The following ARHGAP10 variants were observed in gnomAD, a reference collection of about 807,000 sequenced individuals.
The protein encoded by ARHGAP10 is Rho GTPase activating protein 10.
Under a neutral mutation model 108.6 loss-of-function variants are expected in ARHGAP10, and 87 were observed. That is an observed-to-expected ratio of 0.80 (90% CI 0.67 to 0.96). ARHGAP10 has a LOEUF of 0.96. ARHGAP10 is among the 40% of genes least tolerant of loss of function. The probability of loss-of-function intolerance (pLI) is 0.00; values close to 1 mark genes in which losing one functional copy is unlikely to be tolerated. For synonymous variants in ARHGAP10, 347 were observed against 341.1 expected (o/e 1.02, Z -0.19); for missense variants, 939 against 954.5 (o/e 0.98, Z 0.21).
intron 18 of ARHGAP10, among the ~76,000 whole-genome samples, chr4:147,999,069 A>G (rs1740592334): frequency 6.6e-6 from 1 of 152,234 alleles, no homozygotes; most frequent in African/African-American, 2.4e-5. Flanking sequence ...ACATTGAGAG[A>G]CAGGACTAGC....
chr4:148,025,896 GTTGA>G (rs771183468), intron 19 of ARHGAP10, among the ~76,000 whole-genome samples: 4 of 151,950 alleles, frequency 2.6e-5, no homozygotes, highest in Non-Finnish European at 4.4e-5. Flanking sequence ...GACAACTTTG[GTTGA>G]TTATTTTTCC....
In ARHGAP10 at chr4:148,064,497, T is replaced by C; in HGVS notation, c.2262T>C (p.Ile754=). The C allele has an allele frequency of 1.2e-6, 2 of 1,614,014 alleles. No individual in the cohort carries two copies. Among genetic ancestry groups the C allele is most frequent in the Non-Finnish European group, 1.7e-6 (2 of 1,179,932 alleles). Residue 754 remains isoleucine, a synonymous_variant, in exon 22 of 23, where the codon ATT becomes ATC. Transcript: ENST00000336498. ...AATTATCTTTTGAAATAGGAGCAATTTTTGAGGATGGTAAGTGTTAGTGGG... is the reference window on the plus strand; with the variant it reads ...AATTATCTTTTGAAATAGGAGCAATCTTTGAGGATGGTAAGTGTTAGTGGG... ...SSELSFEIGA[I]FEDVQTSREP...
intron 18 of ARHGAP10, among the ~76,000 whole-genome samples, chr4:147,981,455 T>C (rs1277855371): frequency 2.0e-5 from 3 of 152,208 alleles, no homozygotes; most frequent in Admixed American, 2.0e-4. Flanking sequence ...AAAAAGTATA[T>C]TGAGACTTGC....
At chr4:147,853,000 T>G (rs1253814472) in intron 4 of ARHGAP10, among the ~76,000 whole-genome samples, 2 of 152,196 alleles carry the variant, frequency 1.3e-5, no homozygotes, top group African/African-American at 4.8e-5. Context: ...ATATTAAATA[T>G]TGAAATAAAT....
At chr4:147,887,452 A>G (rs1368086601) in intron 10 of ARHGAP10, among the ~76,000 whole-genome samples, 1 of 152,124 alleles carries the variant, frequency 6.6e-6, no homozygotes, top group Non-Finnish European at 1.5e-5. Flanking sequence ...TAAAAAAACA[A>G]AAGCCACTAC....
At chr4:147,932,247 G>A (rs557549161) in intron 13 of ARHGAP10, among the ~76,000 whole-genome samples, 14 of 152,232 alleles carry the variant, frequency 9.2e-5, no homozygotes, top group African/African-American at 3.4e-4. Flanking sequence ...AGACAGTGGC[G>A]ATTCCTTAAA....
intron 14 of ARHGAP10, 105 bp downstream of exon 14, chr4:147,940,004 C>G: frequency 9.0e-7 from 1 of 1,115,536 alleles, no homozygotes; most frequent in Non-Finnish European, 1.3e-6. Context: ...TCATTCCATT[C>G]CTCTACTTTC....
At chr4:147,836,235 T>A (rs1312346302) in intron 3 of ARHGAP10, among the ~76,000 whole-genome samples, 3 of 152,194 alleles carry the variant, frequency 2.0e-5, no homozygotes, top group East Asian at 1.9e-4. Context: ...ATTGACCTTT[T>A]TTTTTATTTT....
chr4:147,772,569 G>A (rs1480898490), intron 1 of ARHGAP10, among the ~76,000 whole-genome samples: 1 of 152,222 alleles, frequency 6.6e-6, no homozygotes, highest in African/African-American at 2.4e-5. Flanking sequence ...ATTCCTCTGA[G>A]GATGTCTCTC....
At chr4:148,033,313 A>T (rs1487243548) in intron 19 of ARHGAP10, among the ~76,000 whole-genome samples, 1 of 152,220 alleles carries the variant, frequency 6.6e-6, no homozygotes, top group East Asian at 1.9e-4. Context: ...CTTACTCATC[A>T]CACATAGGCT....
chr4:147,969,738 G>C (rs1466728599), intron 18 of ARHGAP10, among the ~76,000 whole-genome samples: 3 of 152,192 alleles, frequency 2.0e-5, no homozygotes, highest in Admixed American at 6.5e-5. Context: ...TTTTCCAGTA[G>C]CGTCGGCAAG....
chr4:147,897,276 A>AT (rs1041240680), intron 10 of ARHGAP10, among the ~76,000 whole-genome samples: 2 of 151,160 alleles, frequency 1.3e-5, no homozygotes, highest in Admixed American at 6.6e-5. Flanking sequence ...TATTATTACT[A>AT]TTTTTTTGTA....
chr4:147,800,078 G>T (rs1001640247), intron 1 of ARHGAP10, among the ~76,000 whole-genome samples: 6 of 152,110 alleles, frequency 3.9e-5, no homozygotes, highest in African/African-American at 1.4e-4. Flanking sequence ...CTGCTTGGTG[G>T]TTAGATGCCG....
chr4:147,914,566 C>T (rs796180657), intron 13 of ARHGAP10, among the ~76,000 whole-genome samples: 1 of 107,174 alleles, frequency 9.3e-6, no homozygotes, highest in Non-Finnish European at 1.9e-5. Context: ...TCCCCCCCCC[C>T]CCTTTTTTTT....
intron 19 of ARHGAP10, among the ~76,000 whole-genome samples, chr4:148,037,486 A>G (rs565200429): frequency 9.0e-4 from 137 of 152,258 alleles, no homozygotes; most frequent in Non-Finnish European, 1.8e-3. Context: ...TGTATGTACC[A>G]CATTTGAGGA....
At chr4:147,915,276 T>A (rs1246547821) in intron 13 of ARHGAP10, among the ~76,000 whole-genome samples, 1 of 152,246 alleles carries the variant, frequency 6.6e-6, no homozygotes, top group Non-Finnish European at 1.5e-5. Flanking sequence ...TTTTCATTCA[T>A]TTCAATCTGC....
intron 4 of ARHGAP10, among the ~76,000 whole-genome samples, chr4:147,856,330 C>A (rs1169736041): frequency 3.9e-5 from 6 of 152,146 alleles, no homozygotes; most frequent in Non-Finnish European, 5.9e-5. Context: ...ATTTTAGGCC[C>A]TGTTGACCTA....
At chr4:147,958,794 A>T (rs1256384992) in intron 16 of ARHGAP10, among the ~76,000 whole-genome samples, 1 of 152,226 alleles carries the variant, frequency 6.6e-6, no homozygotes, top group Non-Finnish European at 1.5e-5. Flanking sequence ...GAAATAATTT[A>T]GCATTTATCT....
chr4:148,067,593 G>C (rs1476977992), intron 22 of ARHGAP10, among the ~76,000 whole-genome samples: 1 of 152,216 alleles, frequency 6.6e-6, no homozygotes, highest in African/African-American at 2.4e-5. Context: ...CATTTTTCCT[G>C]TGTTCACTTA....
Sources: gnomAD v4.1 joint callset for allele counts (sites outside exome capture counted in the v4.1 genomes callset) on GRCh38, gnomAD v4.1.1 for gene constraint, MANE v1.5 for transcripts, NCBI Gene and HGNC (gene_info 2026-07-23, HGNC 2026-07-21) for gene names.